PPP2CA: variants seen among roughly 807,000 people sequenced by gnomAD.
PPP2CA encodes protein phosphatase 2 catalytic subunit alpha, also known as serine/threonine-protein phosphatase 2A catalytic subunit alpha isoform.
A neutral mutation model predicts 38.8 loss-of-function variants in PPP2CA; 5 were observed. That is an observed-to-expected ratio of 0.13 (90% CI 0.07 to 0.27). The LOEUF is 0.27. PPP2CA is among the 10% of genes least tolerant of loss of function. The probability of loss-of-function intolerance (pLI) is 1.00; values close to 1 mark genes in which losing one functional copy is unlikely to be tolerated. For missense variants in PPP2CA, 88 were observed against 389.7 expected, an observed-to-expected ratio of 0.23 and a Z score of 6.52; for synonymous variants, 152 against 134.0, an observed-to-expected ratio of 1.13 and a Z score of -0.93.
intron 3 of PPP2CA, 66 bp downstream of exon 3, chr5:134,201,782 A>G: frequency 6.6e-7 from 1 of 1,506,496 alleles, no homozygotes; most frequent in Admixed American, 2.2e-5. Context: ...AAGAGTCATA[A>G]GCACCTGAAC....
chr5:134,213,284 G>A (rs148473689), intron 1 of PPP2CA, among the ~76,000 whole-genome samples: 67 of 152,264 alleles, frequency 4.4e-4, no homozygotes, highest in African/African-American at 1.6e-3. Context: ...CCATTCTTTA[G>A]CACTTAAGAA....
intron 1 of PPP2CA, among the ~76,000 whole-genome samples, chr5:134,216,149 C>T (rs1457231481): frequency 3.3e-5 from 5 of 152,128 alleles, no homozygotes; most frequent in African/African-American, 4.8e-5. Context: ...CTTCAAAATA[C>T]GAGTTCCAAT....
intron 6 of PPP2CA, 117 bp from the exon 7 acceptor site, chr5:134,197,961 A>C (rs1382450359): frequency 3.2e-5 from 26 of 805,744 alleles, no homozygotes; most frequent in Non-Finnish European, 5.3e-5. Context: ...GGCTTGTCTT[A>C]ATGTAACAGA....
intron 1 of PPP2CA, among the ~76,000 whole-genome samples, chr5:134,209,791 C>G (rs542885882): frequency 1.1e-4 from 17 of 149,792 alleles, no homozygotes; most frequent in African/African-American, 3.7e-4. Flanking sequence ...AAAAAAAGAT[C>G]ATTTTGGCGA....
At chr5:134,209,510 C>A (rs558341264) in intron 1 of PPP2CA, among the ~76,000 whole-genome samples, 1 of 152,116 alleles carries the variant, frequency 6.6e-6, no homozygotes, top group African/African-American at 2.4e-5. Flanking sequence ...CAGTGGCTCA[C>A]GCCTGTAATC....
At chr5:134,225,656 G>A (rs1288192897) in intron 1 of PPP2CA, 104 bp downstream of exon 1, 5 of 1,011,534 alleles carry the variant, frequency 4.9e-6, no homozygotes, top group African/African-American at 3.4e-5. Context: ...AGACTCGGGG[G>A]GCCCGGACCG....
At chr5:134,223,370 A>T (rs1762488900) in intron 1 of PPP2CA, among the ~76,000 whole-genome samples, 1 of 152,218 alleles carries the variant, frequency 6.6e-6, no homozygotes, top group Non-Finnish European at 1.5e-5. Context: ...CAGTTCATGG[A>T]TTCTACATAC....
At chr5:134,204,288 TAA>T (rs1293304754) in intron 2 of PPP2CA, among the ~76,000 whole-genome samples, 1 of 152,204 alleles carries the variant, frequency 6.6e-6, no homozygotes, top group African/African-American at 2.4e-5. Context: ...TGGGTAAAGG[TAA>T]AGTCAAACAA....
chr5:134,209,030 A>T (rs1291844779), intron 1 of PPP2CA, among the ~76,000 whole-genome samples: 1 of 152,190 alleles, frequency 6.6e-6, no homozygotes, highest in Non-Finnish European at 1.5e-5. Flanking sequence ...CTGAGAGAAG[A>T]TACTATGAAG....
chr5:134,198,460 C>T (rs896484099), intron 6 of PPP2CA, among the ~76,000 whole-genome samples: 23 of 151,766 alleles, frequency 1.5e-4, no homozygotes, highest in Admixed American at 1.4e-3. Context: ...GTAATTCATA[C>T]GAAGATCTAT....
At chr5:134,198,318 G>A (rs987857512) in intron 6 of PPP2CA, among the ~76,000 whole-genome samples, 5 of 151,794 alleles carry the variant, frequency 3.3e-5, no homozygotes, top group African/African-American at 1.2e-4. Context: ...GTGTGAACCC[G>A]GGAGGCAGAG....
Position 134,225,889 on chromosome 5 carries a change from C to A in PPP2CA, c.-28G>T. On this transcript the variant is annotated 5_prime_UTR_variant, in exon 1 of 7. Coordinates refer to ENST00000481195, the MANE Select transcript of PPP2CA (RefSeq NM_002715.4). ...TGCCACCCGCCCCAGCCGGCTGCCG[C>A]TCCGCGCTGCTCCCGCGCCGCCGCC... 1 of 1,595,806 alleles carries A rather than the reference C, an allele frequency of 6.3e-7. No individual in the cohort carries two copies. Among genetic ancestry groups the A allele is most frequent in the Non-Finnish European group, 8.5e-7 (1 of 1,173,888 alleles).
chr5:134,202,121 T>C, intron 2 of PPP2CA, 100 bp from the exon 3 acceptor site: 1 of 1,210,162 alleles, frequency 8.3e-7, no homozygotes, highest in Non-Finnish European at 1.1e-6. Flanking sequence ...ACAATTTTGT[T>C]GAAAAAACAG....
chr5:134,224,589 C>G (rs1035386198), intron 1 of PPP2CA, among the ~76,000 whole-genome samples: 1 of 152,188 alleles, frequency 6.6e-6, no homozygotes, highest in African/African-American at 2.4e-5. Flanking sequence ...TGACGTGCTG[C>G]AAAGTTAATT....
intron 1 of PPP2CA, among the ~76,000 whole-genome samples, chr5:134,223,734 T>C (rs1386081808): frequency 6.6e-6 from 1 of 152,214 alleles, no homozygotes; most frequent in East Asian, 1.9e-4. Flanking sequence ...AACCCTCTAC[T>C]TCCATGCTCC....
rs1043028455 is a variant in PPP2CA, at chr5:134,195,538, G to A, written c.*2234C>T. On this transcript the variant is annotated 3_prime_UTR_variant, in exon 7 of 7. Transcript: ENST00000481195. Reference sequence around the variant, plus strand: ...GCTGGGATTACAGGCATGAGCCACTGTGCCAGGCCTGTTCTTAGGGAAAGC... The same window carrying A: ...GCTGGGATTACAGGCATGAGCCACTATGCCAGGCCTGTTCTTAGGGAAAGC... The A allele has an allele frequency of 1.3e-5, 2 of 152,352 alleles. No homozygotes were observed. The highest frequency in any genetic ancestry group is 3.9e-4 in the East Asian group (2 of 5,194). The allele number at this position is 152,352 out of a possible 1,614,324, so 9.4% of individuals were successfully genotyped here. A position where few individuals can be genotyped will look rare whatever the true frequency, so the allele number is the denominator to read the frequency against.
At chr5:134,207,111 T>C (rs1762098970) in intron 1 of PPP2CA, among the ~76,000 whole-genome samples, 1 of 152,124 alleles carries the variant, frequency 6.6e-6, no homozygotes, top group Non-Finnish European at 1.5e-5. Flanking sequence ...ACATTAAAAA[T>C]CCCAATGCCC....
chr5:134,196,021 G>A lies in PPP2CA; in HGVS notation c.*1751C>T, dbSNP rs185270259. The A allele has an allele frequency of 6.6e-6, 1 of 152,166 alleles. No individual in the cohort carries two copies. The highest frequency in any genetic ancestry group is 1.5e-5 in the Non-Finnish European group (1 of 68,020). The allele number at this position is 152,166 out of a possible 1,614,324, so 9.4% of individuals were successfully genotyped here. ...AGCTATTTGTTCAGTCGGAGAGAAAGGGCATAGAGTGACAGAGCAACAAAA... is the reference window on the plus strand; with the variant it reads ...AGCTATTTGTTCAGTCGGAGAGAAAAGGCATAGAGTGACAGAGCAACAAAA... On this transcript the variant is annotated 3_prime_UTR_variant, in exon 7 of 7. Coordinates refer to ENST00000481195, the MANE Select transcript of PPP2CA (RefSeq NM_002715.4).
At chr5:134,217,453 C>T (rs755467627) in intron 1 of PPP2CA, among the ~76,000 whole-genome samples, 1 of 152,090 alleles carries the variant, frequency 6.6e-6, no homozygotes, top group African/African-American at 2.4e-5. Flanking sequence ...TTTTATTTTT[C>T]AGTTTAAGAA....
Sources: allele counts gnomAD v4.1 joint callset (sites outside exome capture counted in the v4.1 genomes callset), GRCh38; gene constraint gnomAD v4.1.1; transcripts MANE v1.5; gene names NCBI Gene and HGNC (gene_info 2026-07-23, HGNC 2026-07-21).